Variants in SURF6 observed in about 807,000 individuals in gnomAD.
SURF6 encodes the protein surfeit locus protein 6.
In SURF6, 28 loss-of-function variants were observed where a neutral mutation model predicts 37.5. The ratio of observed to expected loss-of-function variants is 0.75; its 90% CI spans 0.55 to 1.02. The LOEUF (loss-of-function observed/expected upper bound fraction) is 1.02, where lower values mean the gene tolerates loss of function less well. SURF6 is among the 50% of genes least tolerant of loss of function. The pLI, the probability that SURF6 is intolerant of heterozygous loss-of-function variation, is 0.00. For missense variants in SURF6, 560 were observed against 490.5 expected, an observed-to-expected ratio of 1.14 and a Z score of -1.34; for synonymous variants, 248 against 210.9, an observed-to-expected ratio of 1.18 and a Z score of -1.52.
chr9:133,334,631 C>T (rs2129928649), intron 1 of SURF6, 30 bp from the exon 2 acceptor site: 5 of 1,599,694 alleles, frequency 3.1e-6, no homozygotes, highest in Admixed American at 1.7e-5. Context: ...AGAGTTAAGT[C>T]CCAATCTCAT....
Position 133,334,431 on chromosome 9 carries a change from C to T in SURF6, c.265G>A (p.Glu89Lys), listed in dbSNP as rs147067721. Residue 89 changes from glutamate (E) to lysine (K), a missense_variant, in exon 2 of 5, where the codon GAA becomes AAA. By Grantham distance (56) the Glu-to-Lys change is moderately conservative. Coordinates refer to ENST00000372022, the MANE Select transcript of SURF6 (RefSeq NM_006753.6). ...GARRPEAAKE[E>K]AAWASSSAGN... ...GCTGAGCTGGAAGCCCAAGCTGCTT[C>T]CTCTTTGGCTGCCTCAGGCCTCCTG... 1,067 of 1,613,942 alleles carry T rather than the reference C, an allele frequency of 6.6e-4. 11 individuals carry two copies. The African/African-American group carries it at 0.013, about 20-fold the overall frequency.
At chr9:133,332,823 C>A in intron 3 of SURF6, 63 bp from the exon 4 acceptor site, 1 of 1,531,446 alleles carries the variant, frequency 6.5e-7, no homozygotes, top group Admixed American at 1.7e-5. Flanking sequence ...CAGCCTGGCC[C>A]ATAGTCGAGA....
Position 133,329,932 on chromosome 9 carries a change from G to A in SURF6, c.*1937C>T, listed in dbSNP as rs2129904462. On this transcript the variant is annotated 3_prime_UTR_variant, in exon 5 of 5. Transcript: ENST00000372022. ...ATTGATTCTGTTAGAATTTGTCTAC[G>A]TCTGGAATTACCTGTTCTCTATATC... is the stretch of plus-strand genomic sequence containing the variant. 3 of 152,094 alleles carry A rather than the reference G, an allele frequency of 2.0e-5. No individual in the cohort carries two copies. The highest frequency in any genetic ancestry group is 2.9e-5 in the Non-Finnish European group (2 of 68,028). The allele number at this position is 152,094 out of a possible 1,614,324, so 9.4% of individuals were successfully genotyped here.
In SURF6 at chr9:133,334,532, A is replaced by G. The variant is rs1374526057; in HGVS notation, c.164T>C (p.Phe55Ser). ...AGCAGCCTTCTCTTCTCGCTTCCGG[A>G]ATTTCTTTTGTGTTTTCTTCCTTTT... ...KKKRKKTQKK[F>S]RKREEKAAEH... Residue 55 changes from phenylalanine to serine, a missense_variant, in exon 2 of 5, where the codon TTC becomes TCC. Physicochemically the swap from Phe to Ser is radical, Grantham distance 155 (BLOSUM62 -2). Coordinates refer to ENST00000372022, the MANE Select transcript of SURF6 (RefSeq NM_006753.6). The G allele has an allele frequency of 6.2e-7, 1 of 1,613,762 alleles. No individual in the cohort carries two copies. The highest frequency in any genetic ancestry group is 8.5e-7 in the Non-Finnish European group (1 of 1,180,002).
Position 133,332,021 on chromosome 9 carries a change from C to T in SURF6, c.934G>A (p.Ala312Thr). 6.2e-7 allele frequency: 1 copy of T among 1,601,092 alleles called. No homozygotes were observed. The highest frequency in any genetic ancestry group is 1.1e-5 in the South Asian group (1 of 90,972). Residue 312 changes from alanine (A) to threonine (T), a missense_variant, in exon 5 of 5, where the codon GCC becomes ACC. Transcript: ENST00000372022. The part of the protein sequence containing the change: ...QRQRRWEKRT[A>T]GVVEKMQQRQ... ...TGCTGCATCTTCTCCACCACGCCGGCCGTGCGCTTCTCCCACCGGCGCTGC... is the reference window on the plus strand; with the variant it reads ...TGCTGCATCTTCTCCACCACGCCGGTCGTGCGCTTCTCCCACCGGCGCTGC...
rs2129917779 is a variant in SURF6 at position 133,332,336 on chromosome 9, C to T, written c.619G>A (p.Glu207Lys). 10 of 1,579,604 alleles carry T rather than the reference C, an allele frequency of 6.3e-6. No individual in the cohort carries two copies. The highest frequency in any genetic ancestry group is 2.7e-5 in the African/African-American group (2 of 74,400). Residue 207 changes from glutamate to lysine, a missense_variant, in exon 5 of 5, where the codon GAA becomes AAA. Coordinates refer to ENST00000372022, the MANE Select transcript of SURF6 (RefSeq NM_006753.6). ...GLIFNKVEVS[E>K]DEPASKAQRR... is the part of the protein sequence containing the mutation. ...TGCGCCTTGCTGGCCGGCTCGTCTTCGCTCACCTCCACCTGGGAGGAAGGT... is the reference window on the plus strand; with the variant it reads ...TGCGCCTTGCTGGCCGGCTCGTCTTTGCTCACCTCCACCTGGGAGGAAGGT...
rs2129907139 is a variant in SURF6 at position 133,330,635 on chromosome 9, T to C, written c.*1234A>G. The C allele has an allele frequency of 1.3e-5, 2 of 152,146 alleles. No homozygotes were observed. Among genetic ancestry groups the C allele is most frequent in the Non-Finnish European group, 2.9e-5 (2 of 68,016 alleles). 9.4% of individuals were successfully genotyped at this position (152,146 alleles called of 1,614,324 possible). ...ACTCATAGGTAATTTATAAGTGTGT[T>C]TTAAAAATTCCAAATATGAAATGCC... On this transcript the variant is annotated 3_prime_UTR_variant, in exon 5 of 5. Coordinates refer to ENST00000372022, the MANE Select transcript of SURF6 (RefSeq NM_006753.6).
At position 133,329,487 on chromosome 9, in the gene SURF6, G is replaced by A. The variant is rs142529018; in HGVS notation, c.*2382C>T. On this transcript the variant is annotated 3_prime_UTR_variant, in exon 5 of 5. Transcript: ENST00000372022. ...GCTAGACCATGGTCCACCTGGCAAC[G>A]GGCGTCTTCCCAGACGCTGGCGTCA... The A allele has an allele frequency of 7.0e-5, 17 of 243,512 alleles. No individual in the cohort carries two copies. The highest frequency in any genetic ancestry group is 1.9e-4 in the African/African-American group (8 of 43,192). The allele number at this position is 243,512 out of a possible 1,614,324, so 15.1% of individuals were successfully genotyped here. A position where few individuals can be genotyped will look rare whatever the true frequency, so the allele number is the denominator to read the frequency against.
At chr9:133,334,721 A>T (rs2129929001) in intron 1 of SURF6, 120 bp from the exon 2 acceptor site, 106,088 of 1,169,086 alleles carry the variant, frequency 0.091, 5,528 homozygotes, top group Non-Finnish European at 0.11. Flanking sequence ...ATCGGGGGCC[A>T]GAGACACTGA....
intron 3 of SURF6, 22 bp from the exon 4 acceptor site, chr9:133,332,782 T>C: frequency 1.2e-6 from 2 of 1,603,850 alleles, no homozygotes; most frequent in South Asian, 1.1e-5. Flanking sequence ...AGGCACCCAC[T>C]CATTAAAGTT....
Position 133,333,792 on chromosome 9 carries a change from C to T in SURF6, c.319G>A (p.Glu107Lys). 1 of 1,613,736 alleles carries T rather than the reference C, an allele frequency of 6.2e-7. No individual in the cohort carries two copies. The highest frequency in any genetic ancestry group is 8.5e-7 in the Non-Finnish European group (1 of 1,179,870). Reference protein sequence around the residue: ...AGNPADGLATEPESVFALDVL... With the variant: ...AGNPADGLATKPESVFALDVL... ...TCCAGAGCAAAGACAGACTCAGGCT[C>T]AGTGGCCAGGCCATCTGCAGGGAAG... Residue 107 changes from glutamate (E) to lysine (K), a missense_variant, in exon 3 of 5, where the codon GAG becomes AAG. By Grantham distance (56) the Glu-to-Lys change is moderately conservative. Coordinates refer to ENST00000372022, the MANE Select transcript of SURF6 (RefSeq NM_006753.6).
At chr9:133,334,305 T>A in intron 2 of SURF6, 87 bp downstream of exon 2, 1 of 1,329,438 alleles carries the variant, frequency 7.5e-7, no homozygotes, top group South Asian at 1.4e-5. Context: ...GCTGCTGCTT[T>A]TTTTTTCTTA....
chr9:133,329,029 C>T lies in SURF6; in HGVS notation c.*2840G>A, dbSNP rs2129901084. 5,035 of 154,550 alleles carry T rather than the reference C, an allele frequency of 0.033. 292 individuals carry two copies. The highest frequency in any genetic ancestry group is 0.11 in the African/African-American group (4,727 of 41,548). 9.6% of individuals were successfully genotyped at this position (154,550 alleles called of 1,614,324 possible). ...TTTATTGGATACAAAGCAAAAGGGG[C>T]AGGGTAAAGAGTGTGAGTCATCTCC... On this transcript the variant is annotated 3_prime_UTR_variant, in exon 5 of 5. Transcript: ENST00000372022.
In SURF6 at chr9:133,333,711, C is replaced by T. The variant is rs2129924329; in HGVS notation, c.393+7G>A. The T allele has an allele frequency of 1.5e-5, 24 of 1,613,238 alleles. No homozygotes were observed. Among genetic ancestry groups the T allele is most frequent in the Middle Eastern group, 1.6e-4 (1 of 6,084 alleles). On this transcript the variant is annotated splice_region_variant and intron_variant, in intron 3 of 4. Coordinates refer to ENST00000372022, the MANE Select transcript of SURF6 (RefSeq NM_006753.6). ...GTGACGGCACTCCAGCAAACCTGCCCGCCTACCTGGCCCCGGGCCTCCTGG... is the reference window on the plus strand; with the variant it reads ...GTGACGGCACTCCAGCAAACCTGCCTGCCTACCTGGCCCCGGGCCTCCTGG...
chr9:133,331,912 C>T lies in SURF6; in HGVS notation c.1043G>A (p.Gly348Asp), dbSNP rs1367775519. ...CTCCAGGTCCTGCGGCAGGATGCGG[C>T]CCTTCTTGCGGGCTCTGAGCAGGCG... ...ERRLLRARKKGRILPQDLERA... is the reference protein window; with the variant it reads ...ERRLLRARKKDRILPQDLERA... The change falls in exon 5 of 5, where the codon GGC becomes GAC. Residue 348 changes from glycine (G) to aspartate (D), a missense_variant. Physicochemically the swap from Gly to Asp is moderately conservative, Grantham distance 94. Transcript: ENST00000372022. 1 of 1,552,808 alleles carries T rather than the reference C, an allele frequency of 6.4e-7. No individual in the cohort carries two copies. Among genetic ancestry groups the T allele is most frequent in the African/African-American group, 1.4e-5 (1 of 73,036 alleles).
At chr9:133,335,253 C>T (rs2129930403) in intron 1 of SURF6, among the ~76,000 whole-genome samples, 2 of 150,664 alleles carry the variant, frequency 1.3e-5, no homozygotes, top group African/African-American at 4.9e-5. Flanking sequence ...GCCGCACGGC[C>T]GGACAATGTT....
chr9:133,333,582 C>T, intron 3 of SURF6, 136 bp downstream of exon 3: 1 of 742,714 alleles, frequency 1.3e-6, no homozygotes, highest in Non-Finnish European at 2.3e-6. Context: ...AACTGCTCTC[C>T]CAGAGCACAC....
Position 133,333,708 on chromosome 9 carries a change from G to A in SURF6, c.393+10C>T. ...GCAGTGACGGCACTCCAGCAAACCT[G>A]CCCGCCTACCTGGCCCCGGGCCTCC... On this transcript the variant is annotated intron_variant, in intron 3 of 4. Coordinates refer to ENST00000372022, the MANE Select transcript of SURF6 (RefSeq NM_006753.6). 6.2e-7 allele frequency: 1 copy of A among 1,612,802 alleles called. No homozygotes were observed. Among genetic ancestry groups the A allele is most frequent in the Non-Finnish European group, 8.5e-7 (1 of 1,179,154 alleles).
intron 1 of SURF6, among the ~76,000 whole-genome samples, 184 bp downstream of exon 1, chr9:133,335,855 G>T (rs2129932826): frequency 3.3e-5 from 5 of 152,106 alleles, no homozygotes; most frequent in Non-Finnish European, 5.9e-5. Context: ...CAGCCTGGAC[G>T]ACAGAGCGAG....
Sources: gnomAD v4.1 joint callset for allele counts (sites outside exome capture counted in the v4.1 genomes callset) on GRCh38, gnomAD v4.1.1 for gene constraint, MANE v1.5 for transcripts, NCBI Gene and HGNC (gene_info 2026-07-23, HGNC 2026-07-21) for gene names.